The following VTI1A variants were observed in gnomAD, a reference collection of about 807,000 sequenced individuals.
VTI1A encodes the protein vesicle transport through interaction with t-SNAREs homolog 1A.
VTI1A carries 22 observed loss-of-function variants against 34.9 expected under a neutral mutation model. That is an observed-to-expected ratio of 0.63 (90% CI 0.45 to 0.90). The LOEUF is 0.90. Ranked by LOEUF, VTI1A falls within the 40% of genes least tolerant of loss-of-function variation. The probability of loss-of-function intolerance (pLI) is 0.00; values close to 1 mark genes in which losing one functional copy is unlikely to be tolerated. For missense variants in VTI1A, 268 were observed against 275.6 expected (o/e 0.97, Z 0.20); for synonymous variants, 87 against 97.3 (o/e 0.89, Z 0.62).
intron 5 of VTI1A, among the ~76,000 whole-genome samples, chr10:112,634,460 A>T (rs900427532): frequency 6.6e-6 from 1 of 151,536 alleles, no homozygotes; most frequent in African/African-American, 2.4e-5. Flanking sequence ...GATTATCAAT[A>T]TCATACCATT....
intron 7 of VTI1A, among the ~76,000 whole-genome samples, chr10:112,697,666 G>A (rs934436696): frequency 1.3e-5 from 2 of 152,074 alleles, no homozygotes; most frequent in Non-Finnish European, 2.9e-5. Context: ...AAAGTGCTGA[G>A]ATTACAGGAG....
intron 5 of VTI1A, among the ~76,000 whole-genome samples, chr10:112,641,719 G>T (rs1282931611): frequency 6.6e-6 from 1 of 152,130 alleles, no homozygotes; most frequent in East Asian, 1.9e-4. Context: ...CATTTTCAGT[G>T]AGAGCACGAG....
At chr10:112,652,899 G>C (rs1847091925) in intron 5 of VTI1A, among the ~76,000 whole-genome samples, 1 of 152,128 alleles carries the variant, frequency 6.6e-6, no homozygotes, top group Non-Finnish European at 1.5e-5. Context: ...AGGGTGTCCA[G>C]GTTCTTGGCA....
the VTI1A span, among the ~76,000 whole-genome samples, chr10:112,841,300 G>T: frequency 6.6e-6 from 1 of 152,166 alleles, no homozygotes; most frequent in South Asian, 2.1e-4. Context: ...CAAGGTGTGG[G>T]TCCCAAAACC....
chr10:112,556,282 G>A (rs905832655), intron 5 of VTI1A, among the ~76,000 whole-genome samples: 12 of 151,952 alleles, frequency 7.9e-5, no homozygotes, highest in Admixed American at 5.9e-4. Context: ...CATCATCGTT[G>A]TTTTGTATAT....
At chr10:112,599,138 G>T (rs1295693602) in intron 5 of VTI1A, among the ~76,000 whole-genome samples, 1 of 152,194 alleles carries the variant, frequency 6.6e-6, no homozygotes, top group African/African-American at 2.4e-5. Context: ...AGAGACAGAG[G>T]TCCAGGGCCA....
intron 7 of VTI1A, among the ~76,000 whole-genome samples, chr10:112,757,972 G>T (rs543809932): frequency 1.3e-5 from 2 of 152,068 alleles, no homozygotes; most frequent in African/African-American, 4.8e-5. Context: ...TCTTCTACTG[G>T]ATATTTTGTT....
intron 5 of VTI1A, among the ~76,000 whole-genome samples, chr10:112,640,659 G>T (rs7917911): frequency 3.3e-5 from 5 of 152,226 alleles, no homozygotes; most frequent in African/African-American, 1.2e-4. Context: ...CTGCTGAAAT[G>T]ATATAGACTT....
At chr10:112,549,028 T>C (rs1851245559) in intron 5 of VTI1A, among the ~76,000 whole-genome samples, 2 of 152,216 alleles carry the variant, frequency 1.3e-5, no homozygotes, top group Admixed American at 1.3e-4. Context: ...GTGTTCACTG[T>C]GCCAGGTACA....
chr10:112,495,241 C>A (rs1848973728), intron 3 of VTI1A, among the ~76,000 whole-genome samples: 1 of 124,140 alleles, frequency 8.1e-6, no homozygotes. Context: ...AAATTTTCTC[C>A]ATAAATTTTT....
chr10:112,617,411 C>T (rs1257066230), intron 5 of VTI1A, among the ~76,000 whole-genome samples: 2 of 151,188 alleles, frequency 1.3e-5, no homozygotes, highest in Admixed American at 1.3e-4. Context: ...GAAAATGACT[C>T]CAGAAGGAAG....
intron 5 of VTI1A, among the ~76,000 whole-genome samples, chr10:112,616,450 A>C (rs913000498): frequency 2.0e-5 from 3 of 152,060 alleles, no homozygotes; most frequent in African/African-American, 7.2e-5. Context: ...AAAATAAACA[A>C]ATTTTCTTCT....
intron 3 of VTI1A, among the ~76,000 whole-genome samples, chr10:112,488,663 C>A (rs1848725135): frequency 1.3e-5 from 2 of 152,158 alleles, no homozygotes; most frequent in African/African-American, 4.8e-5. Context: ...TTTTAAAAGT[C>A]ATGCAGGACT....
At chr10:112,450,310 A>G (rs1847188931) in intron 1 of VTI1A, 2 of 152,248 alleles carry the variant, frequency 1.3e-5, no homozygotes, top group Admixed American at 1.3e-4. Flanking sequence ...CCATGTAGTT[A>G]TGAATTTCAG....
intron 3 of VTI1A, among the ~76,000 whole-genome samples, chr10:112,502,965 T>C (rs1157291171): frequency 6.6e-6 from 1 of 152,242 alleles, no homozygotes; most frequent in Admixed American, 6.5e-5. Context: ...AAGGGTTTTA[T>C]AGAAGTTTGG....
chr10:112,807,322 G>T (rs1853121738), intron 7 of VTI1A, among the ~76,000 whole-genome samples: 1 of 152,196 alleles, frequency 6.6e-6, no homozygotes, highest in African/African-American at 2.4e-5. Flanking sequence ...TTCTCTCATA[G>T]TTGCGAAGAC....
Position 112,531,148 on chromosome 10 carries a change from A to G in VTI1A, c.342+3984A>G, listed in dbSNP as rs79772805. Among the ~76,000 whole-genome samples the G allele has an allele frequency of 6.2e-3, 928 of 150,140 alleles. 15 individuals carry two copies. The highest frequency in any genetic ancestry group is 0.022 in the African/African-American group (883 of 40,720). ...GCGCATGAACCCTCACATGCTCTGC[A>G]GTGCAGTTTTGATTTTAGTCACAGC... On this transcript the variant is annotated intron_variant, in intron 4 of 7. Coordinates refer to ENST00000393077, the MANE Select transcript of VTI1A (RefSeq NM_145206.4).
At chr10:112,801,067 G>C (rs558380928) in intron 7 of VTI1A, among the ~76,000 whole-genome samples, 2 of 152,282 alleles carry the variant, frequency 1.3e-5, no homozygotes, top group African/African-American at 4.8e-5. Flanking sequence ...GAGCTTGGTG[G>C]GTTACTAGTT....
chr10:112,458,974 A>G (rs1847639006), intron 1 of VTI1A, among the ~76,000 whole-genome samples: 1 of 152,056 alleles, frequency 6.6e-6, no homozygotes. Context: ...CCAGTGAAAT[A>G]ATAATTTCTA....
Sources: gnomAD v4.1 joint callset for allele counts (sites outside exome capture counted in the v4.1 genomes callset) on GRCh38, gnomAD v4.1.1 for gene constraint, MANE v1.5 for transcripts, NCBI Gene and HGNC (gene_info 2026-07-23, HGNC 2026-07-21) for gene names.